The following ADA variants were observed in gnomAD, a reference collection of about 807,000 sequenced individuals.
ADA encodes the protein adenosine deaminase, also known as adenosine aminohydrolase.
ADA carries 45 observed loss-of-function variants against 49.0 expected under a neutral mutation model. The observed-to-expected ratio is 0.92, with a 90% confidence interval of 0.72 to 1.18. The LOEUF is 1.18. Among genes scored for constraint, ADA ranks in the 50% most tolerant of loss-of-function variants. The pLI is 0.00. For missense variants in ADA, 445 were observed against 472.5 expected (o/e 0.94, Z 0.54); for synonymous variants, 173 against 184.2 (o/e 0.94, Z 0.49).
chr20:44,635,001 GC>G (rs2065466935), intron 2 of ADA, among the ~76,000 whole-genome samples: 1 of 152,250 alleles, frequency 6.6e-6, no homozygotes, highest in Admixed American at 6.5e-5. Flanking sequence ...TGGACAAGGA[GC>G]CCCTAGCTCC....
At chr20:44,636,930 G>A (rs778266302) in intron 1 of ADA, among the ~76,000 whole-genome samples, 1 of 151,942 alleles carries the variant, frequency 6.6e-6, no homozygotes, top group Non-Finnish European at 1.5e-5. Flanking sequence ...CTCAGCCTCC[G>A]GAGTAGCTGG....
chr20:44,650,959 A>C (rs543246399), intron 1 of ADA, among the ~76,000 whole-genome samples: 4 of 152,310 alleles, frequency 2.6e-5, no homozygotes, highest in Admixed American at 2.6e-4. Flanking sequence ...CCCTGGGGCC[A>C]GTGGCCATGG....
At chr20:44,636,988 T>C (rs1600937628) in intron 1 of ADA, among the ~76,000 whole-genome samples, 1 of 152,114 alleles carries the variant, frequency 6.6e-6, no homozygotes, top group Admixed American at 6.5e-5. Flanking sequence ...GTATTTTTAG[T>C]AGAGACAGGG....
In ADA at chr20:44,619,744, T is replaced by G; in HGVS notation, c.*90A>C. 2.6e-6 allele frequency: 4 copies of G among 1,533,124 alleles called. No homozygotes were observed. Among genetic ancestry groups the G allele is most frequent in the Non-Finnish European group, 3.6e-6 (4 of 1,106,924 alleles). The allele number at this position is 1,533,124 out of a possible 1,614,324, so 95.0% of individuals were successfully genotyped here. Reference sequence around the variant, plus strand: ...CAGTAACTGACTATTGAGATCATGGTCTTCTTGGAAGGAATAAATGTAAAA... The same window carrying G: ...CAGTAACTGACTATTGAGATCATGGGCTTCTTGGAAGGAATAAATGTAAAA... On this transcript the variant is annotated 3_prime_UTR_variant, in exon 12 of 12. Transcript: ENST00000372874.
intron 1 of ADA, among the ~76,000 whole-genome samples, 163 bp downstream of exon 1, chr20:44,651,412 T>C (rs986240909): frequency 6.6e-6 from 1 of 152,196 alleles, no homozygotes; most frequent in African/African-American, 2.4e-5. Context: ...CCATTGTCCC[T>C]GATTAGCCCG....
At chr20:44,621,787 C>T (rs2065334629) in intron 9 of ADA, among the ~76,000 whole-genome samples, 1 of 152,190 alleles carries the variant, frequency 6.6e-6, no homozygotes, top group Admixed American at 6.5e-5. Context: ...CTTCTTGCTC[C>T]ACCACCTCCT....
intron 2 of ADA, among the ~76,000 whole-genome samples, chr20:44,630,943 G>T (rs949087030): frequency 2.0e-5 from 3 of 152,168 alleles, no homozygotes; most frequent in African/African-American, 7.2e-5. Context: ...GAGCCTGGAA[G>T]TCAAGGCTAC....
chr20:44,625,593 G>T lies in ADA; in HGVS notation c.454C>A (p.Leu152Met), dbSNP rs121908728. The T allele has an allele frequency of 8.8e-5, 140 of 1,587,678 alleles. 3 individuals carry two copies. In the South Asian group the frequency reaches 1.4e-3, roughly 15 times the overall value. Residue 152 changes from leucine to methionine, a missense_variant, in exon 5 of 12, where the codon CTG (leucine) becomes ATG (methionine). Physicochemically the swap from Leu to Met is conservative, Grantham distance 15. Transcript: ENST00000372874. ...CTGGGCTGGTGGCGCATGCAGCACA[G>T]GATGGACCGGGCCTTGACCCCGAAG... ...RDFGVKARSILCCMRHQPNWS... is the reference protein window; with the variant it reads ...RDFGVKARSIMCCMRHQPNWS...
Position 44,625,674 on chromosome 20 carries a change from T to A in ADA, c.373A>T (p.Thr125Ser). ...IPWNQAEGDL[T>S]PDEVVALVGQ... The stretch of plus-strand genomic sequence containing the variant: ...ACTAGGGCCACCACCTCGTCTGGGG[T>A]GAGGTCCCCTCTGTGTGAGGAGAGG... Residue 125 changes from threonine to serine, a missense_variant, in exon 5 of 12, where the codon ACC becomes TCC. Thr to Ser is a moderately conservative substitution (Grantham distance 58, BLOSUM62 1). Transcript: ENST00000372874. The A allele has an allele frequency of 6.4e-7, 1 of 1,561,774 alleles. No individual in the cohort carries two copies. Among genetic ancestry groups the A allele is most frequent in the South Asian group, 1.2e-5 (1 of 84,796 alleles).
chr20:44,643,316 A>T (rs983385779), intron 1 of ADA, among the ~76,000 whole-genome samples: 10 of 152,128 alleles, frequency 6.6e-5, no homozygotes, highest in African/African-American at 2.4e-4. Context: ...GTACCCCAAA[A>T]CAGTCAGTGA....
At chr20:44,623,666 T>C (rs1246736219) in intron 6 of ADA, among the ~76,000 whole-genome samples, 1 of 151,764 alleles carries the variant, frequency 6.6e-6, no homozygotes, top group Non-Finnish European at 1.5e-5. Flanking sequence ...TCCTTCCTTC[T>C]TTCCTTCCTT....
chr20:44,623,676 T>TCCTC (rs900241994), intron 6 of ADA, among the ~76,000 whole-genome samples: 10 of 151,036 alleles, frequency 6.6e-5, no homozygotes, highest in Non-Finnish European at 1.0e-4. Context: ...TTTCCTTCCT[T>TCCTC]CCTCCCTCCC....
intron 3 of ADA, 68 bp downstream of exon 3, chr20:44,628,979 G>A (rs2065407510): frequency 3.1e-6 from 5 of 1,611,004 alleles, no homozygotes; most frequent in Non-Finnish European, 4.2e-6. Flanking sequence ...CACAGGCTGA[G>A]GGACAGGCCT....
Position 44,651,617 on chromosome 20 carries a change from G to GT in ADA, c.-11dup. ...CGGGCGTCTGGGCCATGGTGCCCTC[G>GT]TGCGCCCCGGCGCTGCTCCCTCCGC... On this transcript the variant is annotated 5_prime_UTR_variant, in exon 1 of 12. Transcript: ENST00000372874. 1 of 1,531,514 alleles carries GT rather than the reference G, an allele frequency of 6.5e-7. No individual in the cohort carries two copies. The highest frequency in any genetic ancestry group is 8.7e-7 in the Non-Finnish European group (1 of 1,146,352). The allele number at this position is 1,531,514 out of a possible 1,614,324, so 94.9% of individuals were successfully genotyped here. A position where few individuals can be genotyped will look rare whatever the true frequency, so the allele number is the denominator to read the frequency against.
intron 2 of ADA, among the ~76,000 whole-genome samples, chr20:44,630,177 T>A (rs1372181787): frequency 6.6e-6 from 1 of 151,730 alleles, no homozygotes; most frequent in Non-Finnish European, 1.5e-5. Flanking sequence ...AAACCCCGTC[T>A]CTACCAAAAA....
chr20:44,620,993 G>A, intron 10 of ADA, 25 bp downstream of exon 10: 1 of 1,613,484 alleles, frequency 6.2e-7, no homozygotes. Flanking sequence ...CCGAGTCAAG[G>A]CCAGTATGGC....
chr20:44,647,504 A>C (rs2065603572), intron 1 of ADA, among the ~76,000 whole-genome samples: 1 of 152,036 alleles, frequency 6.6e-6, no homozygotes, highest in Non-Finnish European at 1.5e-5. Flanking sequence ...CTACAGCTTC[A>C]AGGCTCTCAG....
chr20:44,627,853 C>G (rs1244702027), intron 3 of ADA, among the ~76,000 whole-genome samples: 2 of 152,252 alleles, frequency 1.3e-5, no homozygotes, highest in East Asian at 1.9e-4. Flanking sequence ...TGTGTGACCC[C>G]TGGTTAGTCA....
At position 44,629,775 on chromosome 20, in the gene ADA, G is replaced by A. The variant is rs550733037; in HGVS notation, c.96-606C>T. 5.4e-4 allele frequency among the ~76,000 whole-genome samples: 82 copies of A among 152,250 alleles called. 1 individual carries two copies. The highest frequency in any genetic ancestry group is 1.9e-3 in the African/African-American group (77 of 41,554). ...CTCTCTCCCCTCCCTGCCCACAGCC[G>A]CCACACCAAGCTGGACTACAGCAGC... On this transcript the variant is annotated intron_variant, in intron 2 of 11. Transcript: ENST00000372874.
Sources: allele counts gnomAD v4.1 joint callset (sites outside exome capture counted in the v4.1 genomes callset), GRCh38; gene constraint gnomAD v4.1.1; transcripts MANE v1.5; gene names NCBI Gene and HGNC (gene_info 2026-07-23, HGNC 2026-07-21).